Variants in NCOA1 observed in about 807,000 individuals in gnomAD.
NCOA1 encodes the protein nuclear receptor coactivator 1.
Under a neutral mutation model 150.9 loss-of-function variants are expected in NCOA1, and 35 were observed. That is an observed-to-expected ratio of 0.23 (90% confidence interval 0.18 to 0.31). The LOEUF (loss-of-function observed/expected upper bound fraction) is 0.31. NCOA1 is among the 10% of genes least tolerant of loss of function. NCOA1 has a pLI of 1.00. For synonymous variants in NCOA1, 590 were observed against 630.0 expected (o/e 0.94, Z 0.95); for missense variants, 1,491 against 1,749.3 (o/e 0.85, Z 2.63).
At chr2:24,633,233 T>A (rs1015058469) in intron 3 of NCOA1, among the ~76,000 whole-genome samples, 3 of 150,876 alleles carry the variant, frequency 2.0e-5, no homozygotes, top group African/African-American at 4.9e-5. Flanking sequence ...ATGGGATATT[T>A]AAAAAAAAAC....
chr2:24,656,276 T>C (rs1670946780), intron 4 of NCOA1, among the ~76,000 whole-genome samples: 2 of 152,024 alleles, frequency 1.3e-5, no homozygotes, highest in Admixed American at 6.6e-5. Flanking sequence ...TTAAACAAAG[T>C]TTTTCTGGCC....
intron 22 of NCOA1, among the ~76,000 whole-genome samples, chr2:24,765,896 C>CTTTTTTTT (rs773857143): frequency 1.0e-4 from 13 of 128,036 alleles, no homozygotes; most frequent in African/African-American, 1.5e-4. Flanking sequence ...CAATAATACA[C>CTTTTTTTT]TTTTTTTTTT....
intron 1 of NCOA1, among the ~76,000 whole-genome samples, chr2:24,561,536 A>T (rs1666292326): frequency 1.3e-5 from 2 of 152,212 alleles, no homozygotes; most frequent in Admixed American, 6.5e-5. Flanking sequence ...ACAAGGTTTC[A>T]TGAATCTGGC....
chr2:24,721,307 ACT>A (rs1315517701), intron 14 of NCOA1, among the ~76,000 whole-genome samples: 1 of 151,928 alleles, frequency 6.6e-6, no homozygotes, highest in African/African-American at 2.4e-5. Flanking sequence ...TTCTATACTA[ACT>A]CTTTTTTCTT....
In NCOA1 at chr2:24,564,304, T is replaced by A. The variant is rs1666405598; in HGVS notation, c.-386T>A. On this transcript the variant is annotated 5_prime_UTR_variant, in exon 2 of 23. Coordinates refer to ENST00000348332, the MANE Select transcript of NCOA1 (RefSeq NM_003743.5). ...CTCTCTCCTGCTTTAGATCTATCCA[T>A]ACTAATGGAAATGTAACTGGAACTG... 1 of 152,148 alleles carries A rather than the reference T, an allele frequency of 6.6e-6. No individual in the cohort carries two copies. Among genetic ancestry groups the A allele is most frequent in the Admixed American group, 6.6e-5 (1 of 15,266 alleles). The allele number at this position is 152,148 out of a possible 1,614,324, so 9.4% of individuals were successfully genotyped here.
In NCOA1 at chr2:24,692,954, G is replaced by A. The variant is rs55634124; in HGVS notation, c.713-298G>A. ...CGGCTCACTGCAAGCTCCACCTCCC[G>A]GGTTCACGCCATTCTCCTGCCTCAG... is the stretch of plus-strand genomic sequence containing the variant. On this transcript the variant is annotated intron_variant, in intron 9 of 22. Coordinates refer to ENST00000348332, the MANE Select transcript of NCOA1 (RefSeq NM_003743.5). Among the ~76,000 whole-genome samples, 4,352 of 152,202 alleles carry A rather than the reference G, an allele frequency of 0.029. 84 individuals are homozygous for A. Among genetic ancestry groups the A allele is most frequent in the Non-Finnish European group, 0.043 (2,914 of 67,994 alleles).
At chr2:24,765,975 A>G (rs945374268) in intron 22 of NCOA1, among the ~76,000 whole-genome samples, 1 of 146,050 alleles carries the variant, frequency 6.8e-6, no homozygotes, top group Non-Finnish European at 1.5e-5. Context: ...ATCTCAGCTC[A>G]CTGCAACCTC....
At chr2:24,590,605 A>G (rs1320641586) in intron 3 of NCOA1, among the ~76,000 whole-genome samples, 1 of 152,152 alleles carries the variant, frequency 6.6e-6, no homozygotes, top group Non-Finnish European at 1.5e-5. Context: ...TTTTAAGAGT[A>G]AAATCCAGGT....
intron 22 of NCOA1, among the ~76,000 whole-genome samples, chr2:24,766,303 T>C (rs2148707529): frequency 6.6e-6 from 1 of 152,334 alleles, no homozygotes; most frequent in Middle Eastern, 3.4e-3. Context: ...GACAAAAACA[T>C]CTTATGCTCT....
At chr2:24,600,678 C>T (rs570138824) in intron 3 of NCOA1, among the ~76,000 whole-genome samples, 123 of 152,362 alleles carry the variant, frequency 8.1e-4, no homozygotes, top group Non-Finnish European at 1.4e-3. Flanking sequence ...CTTGAGCCTA[C>T]ATCCTCTTGC....
chr2:24,755,807 A>T (rs534823870), intron 20 of NCOA1, among the ~76,000 whole-genome samples: 65 of 152,348 alleles, frequency 4.3e-4, no homozygotes, highest in African/African-American at 1.5e-3. Context: ...ATTTTTTTCA[A>T]TAAGTATGAC....
At chr2:24,492,834 G>GA (rs1663036919) in intron 1 of NCOA1, among the ~76,000 whole-genome samples, 2 of 152,160 alleles carry the variant, frequency 1.3e-5, no homozygotes, top group Admixed American at 1.3e-4. Flanking sequence ...CAGTGATTAA[G>GA]AAATCAAGTG....
chr2:24,521,191 A>G (rs984446372), intron 1 of NCOA1, among the ~76,000 whole-genome samples: 3 of 152,116 alleles, frequency 2.0e-5, no homozygotes. Context: ...TGATATATAT[A>G]TGTGTTGTGA....
chr2:24,611,153 T>A (rs1668604701), intron 3 of NCOA1, among the ~76,000 whole-genome samples: 1 of 152,220 alleles, frequency 6.6e-6, no homozygotes, highest in Non-Finnish European at 1.5e-5. Flanking sequence ...GCCATCTTTA[T>A]GTCCATGAGT....
intron 3 of NCOA1, among the ~76,000 whole-genome samples, chr2:24,642,031 T>TGC (rs909297484): frequency 2.1e-5 from 3 of 143,202 alleles, no homozygotes; most frequent in African/African-American, 7.7e-5. Context: ...TGTGTGTGTG[T>TGC]GTGTGTGCGC....
intron 2 of NCOA1, among the ~76,000 whole-genome samples, chr2:24,583,428 C>T (rs992482882): frequency 1.3e-5 from 2 of 152,034 alleles, no homozygotes; most frequent in Admixed American, 6.5e-5. Flanking sequence ...GAGGAAAGGG[C>T]ACTCATACAC....
chr2:24,596,587 T>C (rs1030688254), intron 3 of NCOA1, among the ~76,000 whole-genome samples: 1 of 152,188 alleles, frequency 6.6e-6, no homozygotes. Context: ...TTTTAAATGT[T>C]TTAATTTAGA....
At chr2:24,716,608 A>G (rs919683779) in intron 14 of NCOA1, among the ~76,000 whole-genome samples, 4 of 152,218 alleles carry the variant, frequency 2.6e-5, no homozygotes, top group African/African-American at 9.6e-5. Context: ...AAGCTTTTCA[A>G]CAAAAAAAAG....
At chr2:24,713,628 A>G (rs544198395) in intron 14 of NCOA1, among the ~76,000 whole-genome samples, 1 of 152,332 alleles carries the variant, frequency 6.6e-6, no homozygotes, top group South Asian at 2.1e-4. Flanking sequence ...AAAAAGAGCA[A>G]ATACATTAAA....
Sources: allele counts gnomAD v4.1 joint callset (sites outside exome capture counted in the v4.1 genomes callset), GRCh38; gene constraint gnomAD v4.1.1; transcripts MANE v1.5; gene names NCBI Gene and HGNC (gene_info 2026-07-23, HGNC 2026-07-21).